Variants in PRRG1 observed in about 807,000 individuals in gnomAD.
PRRG1 encodes transmembrane gamma-carboxyglutamic acid protein 1.
In PRRG1, 5 loss-of-function variants were observed where a neutral mutation model predicts 11.8. The ratio of observed to expected loss-of-function variants is 0.42; its 90% confidence interval spans 0.22 to 0.89. PRRG1 has a LOEUF of 0.89. Among genes scored for constraint, PRRG1 ranks in the 40% least tolerant of loss-of-function variants. The pLI, the probability that PRRG1 is intolerant of heterozygous loss-of-function variation, is 0.28. For synonymous variants in PRRG1, 66 were observed against 60.4 expected, an observed-to-expected ratio of 1.09 and a Z score of -0.43; for missense variants, 155 against 166.1, an observed-to-expected ratio of 0.93 and a Z score of 0.37.
intron 3 of PRRG1, among the ~76,000 whole-genome samples, chrX:37,429,867 A>T (rs1932809089): frequency 8.9e-6 from 1 of 112,043 alleles, no homozygotes; most frequent in South Asian, 3.8e-4. Flanking sequence ...ATCAGGCAGG[A>T]GGCGAAAGGC....
intron 3 of PRRG1, among the ~76,000 whole-genome samples, chrX:37,451,135 C>A (rs1438231630): frequency 3.6e-5 from 4 of 111,963 alleles, no homozygotes; most frequent in Non-Finnish European, 7.5e-5. Flanking sequence ...TCTCCTGCCT[C>A]AGCCTCCTGA....
intron 1 of PRRG1, among the ~76,000 whole-genome samples, chrX:37,380,913 C>G (rs1182132020): frequency 9.0e-6 from 1 of 111,460 alleles, no homozygotes; most frequent in Non-Finnish European, 1.9e-5. Flanking sequence ...TTCTGTAAAC[C>G]AACTTGGCAG....
Position 37,400,376 on chromosome X carries a change from A to G in PRRG1, c.-41-5833A>G, listed in dbSNP as rs1304929241. Among the ~76,000 whole-genome samples the G allele has an allele frequency of 4.5e-5, 5 of 111,855 alleles. No homozygotes were observed. The Admixed American group carries it at 4.7e-4, about 11-fold the overall frequency. On this transcript the variant is annotated intron_variant, in intron 1 of 3. Transcript: ENST00000378628. Reference sequence around the variant, plus strand: ...TGGAAACTGAGCAACCTGCTCCTGAATGACTACTGGGTACATAACGAAATG... The same window carrying G: ...TGGAAACTGAGCAACCTGCTCCTGAGTGACTACTGGGTACATAACGAAATG...
At chrX:37,379,198 G>A (rs1389018803) in intron 1 of PRRG1, among the ~76,000 whole-genome samples, 1 of 107,851 alleles carries the variant, frequency 9.3e-6, no homozygotes, top group Non-Finnish European at 1.9e-5. Context: ...AGGTGCAATT[G>A]ACCTGACTAG....
At chrX:37,397,650 G>A (rs1444256619) in intron 1 of PRRG1, among the ~76,000 whole-genome samples, 2 of 111,909 alleles carry the variant, frequency 1.8e-5, no homozygotes, top group African/African-American at 3.3e-5. Context: ...TGGAATTTTT[G>A]TAGTAGATAA....
chrX:37,443,971 C>T (rs1933030459), intron 3 of PRRG1, among the ~76,000 whole-genome samples: 1 of 112,129 alleles, frequency 8.9e-6, no homozygotes, highest in Non-Finnish European at 1.9e-5. Flanking sequence ...ATAAAAATTA[C>T]AGGTTTTGTA....
At chrX:37,420,183 G>A (rs1932614456) in intron 2 of PRRG1, among the ~76,000 whole-genome samples, 2 of 111,205 alleles carry the variant, frequency 1.8e-5, no homozygotes, top group African/African-American at 3.3e-5. Flanking sequence ...AATAAGTGAC[G>A]CTTAGGTTTT....
intron 2 of PRRG1, among the ~76,000 whole-genome samples, chrX:37,421,202 A>G (rs1269191257): frequency 2.7e-5 from 3 of 112,108 alleles, no homozygotes; most frequent in Non-Finnish European, 3.8e-5. Context: ...TTTGAATAAT[A>G]TACTTATTTT....
intron 2 of PRRG1, among the ~76,000 whole-genome samples, chrX:37,415,207 G>A (rs781988128): frequency 3.6e-5 from 4 of 111,785 alleles, no homozygotes; most frequent in African/African-American, 1.3e-4. Flanking sequence ...CCAGGAGTTC[G>A]AGACCAGCCT....
chrX:37,362,746 A>G (rs782639385), intron 1 of PRRG1, among the ~76,000 whole-genome samples: 7 of 111,358 alleles, frequency 6.3e-5, no homozygotes, highest in Non-Finnish European at 1.1e-4. Context: ...GATGCTGAAT[A>G]TCCCTAGAAT....
At chrX:37,375,582 T>C (rs1930910064) in intron 1 of PRRG1, among the ~76,000 whole-genome samples, 1 of 111,626 alleles carries the variant, frequency 9.0e-6, no homozygotes, top group African/African-American at 3.3e-5. Flanking sequence ...TTAAAGTATA[T>C]GGGAGGATGT....
chrX:37,381,713 G>C (rs782693684), intron 1 of PRRG1, among the ~76,000 whole-genome samples: 1 of 110,951 alleles, frequency 9.0e-6, no homozygotes, highest in East Asian at 2.8e-4. Context: ...TGTAAATCAT[G>C]TTTAATTCTT....
chrX:37,361,580 A>C (rs781967485), intron 1 of PRRG1, among the ~76,000 whole-genome samples: 1 of 111,648 alleles, frequency 9.0e-6, no homozygotes, highest in Non-Finnish European at 1.9e-5. Context: ...CTTTGGGAGA[A>C]CATGTTATAT....
intron 1 of PRRG1, among the ~76,000 whole-genome samples, chrX:37,403,428 G>A (rs1257492898): frequency 6.5e-5 from 6 of 92,014 alleles, no homozygotes; most frequent in Non-Finnish European, 1.0e-4. Flanking sequence ...GAATTGAACA[G>A]TGAGAACACA....
chrX:37,440,605 A>G (rs952327370), intron 3 of PRRG1, among the ~76,000 whole-genome samples: 1 of 112,334 alleles, frequency 8.9e-6, no homozygotes, highest in Non-Finnish European at 1.9e-5. Flanking sequence ...TGCTACAGAG[A>G]TTCATTTTTA....
chrX:37,379,218 A>G (rs1160965727), intron 1 of PRRG1, among the ~76,000 whole-genome samples: 1 of 107,187 alleles, frequency 9.3e-6, no homozygotes, highest in African/African-American at 3.4e-5. Flanking sequence ...GTCTTCCTAT[A>G]ATGTGTCCTT....
intron 1 of PRRG1, among the ~76,000 whole-genome samples, chrX:37,381,930 A>T (rs781971972): frequency 3.6e-5 from 4 of 111,868 alleles, no homozygotes; most frequent in Non-Finnish European, 5.7e-5. Flanking sequence ...TCATATGCAT[A>T]TAATAACCCC....
In PRRG1 at chrX:37,385,031, G is replaced by A. The variant is rs782338141; in HGVS notation, c.-41-21178G>A. Among the ~76,000 whole-genome samples, 9 of 111,688 alleles carry A rather than the reference G, an allele frequency of 8.1e-5. No individual in the cohort carries two copies. The South Asian group carries it at 2.6e-3, about 33-fold the overall frequency. On this transcript the variant is annotated intron_variant, in intron 1 of 3. Transcript: ENST00000378628. ...AAACAGATACATAGTTTCATCAAAA[G>A]ACATGCACAAGAATGTTTACAGCAC... is the stretch of plus-strand genomic sequence containing the variant.
chrX:37,415,138 G>A (rs1932456739), intron 2 of PRRG1, among the ~76,000 whole-genome samples: 1 of 112,423 alleles, frequency 8.9e-6, no homozygotes, highest in African/African-American at 3.2e-5. Context: ...GCCAGACGCG[G>A]TGGCTCACGC....
Sources: gnomAD v4.1 joint callset for allele counts (sites outside exome capture counted in the v4.1 genomes callset) on GRCh38, gnomAD v4.1.1 for gene constraint, MANE v1.5 for transcripts, NCBI Gene and HGNC (gene_info 2026-07-23, HGNC 2026-07-21) for gene names.